C7orf78: variants seen among roughly 807,000 people sequenced by gnomAD.
The protein encoded by C7orf78 is putative uncharacterized protein C7orf78.
chr7:12,486,372 T>C, the C7orf78 span, among the ~76,000 whole-genome samples: 188 of 152,098 alleles, frequency 1.2e-3, 3 homozygotes, highest in East Asian at 0.025. Flanking sequence ...ACACTATTCA[T>C]TCAACAATAT....
At chr7:12,531,680 T>C in the C7orf78 span, among the ~76,000 whole-genome samples, 1 of 152,150 alleles carries the variant, frequency 6.6e-6, no homozygotes, top group Non-Finnish European at 1.5e-5. Flanking sequence ...ATCTGTAGAA[T>C]GTCAGTAATA....
At chr7:12,513,844 C>CA in the C7orf78 span, among the ~76,000 whole-genome samples, 27 of 151,860 alleles carry the variant, frequency 1.8e-4, 1 homozygote, top group South Asian at 3.5e-3. Context: ...ACTAAAAATA[C>CA]AAAAAATTAG....
the C7orf78 span, chr7:12,507,002 C>A: frequency 2.2e-6 from 1 of 453,604 alleles, no homozygotes; most frequent in South Asian, 1.6e-5. Context: ...AGATTAAGGG[C>A]CAAAAAAAAG....
At chr7:12,508,777 C>T in the C7orf78 span, among the ~76,000 whole-genome samples, 7 of 152,280 alleles carry the variant, frequency 4.6e-5, no homozygotes, top group Admixed American at 3.3e-4. Flanking sequence ...TGCTTCCTGT[C>T]AGATCAGTGG....
chr7:12,512,356 T>A, the C7orf78 span, among the ~76,000 whole-genome samples: 1 of 152,198 alleles, frequency 6.6e-6, no homozygotes, highest in Non-Finnish European at 1.5e-5. Flanking sequence ...TATTGAGATA[T>A]GTTCCTTCAA....
At chr7:12,524,834 TAAA>T in the C7orf78 span, among the ~76,000 whole-genome samples, 1 of 151,050 alleles carries the variant, frequency 6.6e-6, no homozygotes, top group African/African-American at 2.5e-5. Context: ...TAATAATAAA[TAAA>T]TAAATAAATA....
the C7orf78 span, chr7:12,530,955 C>T: frequency 2.5e-6 from 1 of 397,848 alleles, no homozygotes; most frequent in East Asian, 3.6e-5. Context: ...AACAAGTAAA[C>T]AATTAAAGTT....
At chr7:12,515,187 T>C in the C7orf78 span, among the ~76,000 whole-genome samples, 1 of 152,182 alleles carries the variant, frequency 6.6e-6, no homozygotes, top group African/African-American at 2.4e-5. Flanking sequence ...ACTCCCATAA[T>C]TCCCATGTGT....
the C7orf78 span, among the ~76,000 whole-genome samples, chr7:12,501,440 GACAA>G: frequency 4.6e-5 from 7 of 151,910 alleles, no homozygotes; most frequent in South Asian, 4.2e-4. Context: ...ACCAACAACA[GACAA>G]ACAGAGAGCT....
chr7:12,508,385 T>C, the C7orf78 span, among the ~76,000 whole-genome samples: 3 of 140,830 alleles, frequency 2.1e-5, no homozygotes, highest in African/African-American at 7.4e-5. Flanking sequence ...AGTCACTAGA[T>C]AACATTTCAT....
chr7:12,500,735 C>A, the C7orf78 span, among the ~76,000 whole-genome samples: 1 of 151,836 alleles, frequency 6.6e-6, no homozygotes, highest in Non-Finnish European at 1.5e-5. Flanking sequence ...TTTTATGAGG[C>A]CAGCATCATT....
At chr7:12,537,774 A>T in the C7orf78 span, among the ~76,000 whole-genome samples, 1 of 152,206 alleles carries the variant, frequency 6.6e-6, no homozygotes, top group Admixed American at 6.5e-5. Flanking sequence ...GTATCCATTT[A>T]TGGTATATTT....
At chr7:12,512,180 C>T in the C7orf78 span, among the ~76,000 whole-genome samples, 1 of 151,848 alleles carries the variant, frequency 6.6e-6, no homozygotes, top group African/African-American at 2.4e-5. Flanking sequence ...CTTAGATGTG[C>T]TTTATTTCTT....
At chr7:12,519,450 T>G in the C7orf78 span, among the ~76,000 whole-genome samples, 1 of 152,142 alleles carries the variant, frequency 6.6e-6, no homozygotes, top group African/African-American at 2.4e-5. Context: ...CCAGCAGGGT[T>G]GTGGTCACTC....
the C7orf78 span, among the ~76,000 whole-genome samples, chr7:12,489,106 G>A: frequency 1.0e-3 from 159 of 151,962 alleles, no homozygotes; most frequent in African/African-American, 3.4e-3. Context: ...AAGAAGTATT[G>A]GGGCATATTA....
the C7orf78 span, among the ~76,000 whole-genome samples, chr7:12,535,275 G>T: frequency 6.6e-6 from 1 of 152,172 alleles, no homozygotes; most frequent in East Asian, 1.9e-4. Context: ...CCACATGGTT[G>T]GGGAGACCTC....
the C7orf78 span, among the ~76,000 whole-genome samples, chr7:12,490,286 A>C: frequency 6.6e-6 from 1 of 152,074 alleles, no homozygotes; most frequent in Non-Finnish European, 1.5e-5. Flanking sequence ...GCTCACTTTA[A>C]CATGATAATT....
chr7:12,504,971 G>A, the C7orf78 span, among the ~76,000 whole-genome samples: 1 of 151,716 alleles, frequency 6.6e-6, no homozygotes, highest in African/African-American at 2.4e-5. Context: ...CATATATCTA[G>A]GCAAAGGAAC....
At chr7:12,524,036 G>A in the C7orf78 span, among the ~76,000 whole-genome samples, 7 of 152,148 alleles carry the variant, frequency 4.6e-5, no homozygotes, top group African/African-American at 1.7e-4. Flanking sequence ...TAGGCAAAGA[G>A]TTAAACAGTA....
Sources: gnomAD v4.1 joint callset for allele counts (sites outside exome capture counted in the v4.1 genomes callset) on GRCh38, gnomAD v4.1.1 for gene constraint, MANE v1.5 for transcripts, NCBI Gene and HGNC (gene_info 2026-07-23, HGNC 2026-07-21) for gene names.